SRPRA: variants seen among roughly 807,000 people sequenced by gnomAD.
SRPRA encodes the protein SRP receptor subunit alpha, also known as signal recognition particle receptor subunit alpha.
In SRPRA, 30 loss-of-function variants were observed where a neutral mutation model predicts 61.1. The observed-to-expected ratio is 0.49, with a 90% CI of 0.37 to 0.67. The LOEUF is 0.67. Among genes scored for constraint, SRPRA ranks in the 30% least tolerant of loss-of-function variants. The probability of loss-of-function intolerance (pLI) is 0.00; values close to 1 mark genes in which losing one functional copy is unlikely to be tolerated. For missense variants in SRPRA, 759 were observed against 828.4 expected, an observed-to-expected ratio of 0.92 and a Z score of 1.03; for synonymous variants, 324 against 299.7, an observed-to-expected ratio of 1.08 and a Z score of -0.84.
the SRPRA span, among the ~76,000 whole-genome samples, chr11:126,250,004 C>T: frequency 6.6e-6 from 1 of 151,916 alleles, no homozygotes; most frequent in African/African-American, 2.4e-5. This position sits in a 1 kb window ranked among gnomAD's most constrained non-coding sequence, Gnocchi z 5.1. Context: ...CACTTGCTAT[C>T]TGCTAAGCAT....
chr11:126,248,385 T>TA, the SRPRA span, among the ~76,000 whole-genome samples: 1 of 139,422 alleles, frequency 7.2e-6, no homozygotes, highest in Non-Finnish European at 1.5e-5. Context: ...TTTTTTTTTT[T>TA]TTGAGATGGA....
the SRPRA span, among the ~76,000 whole-genome samples, chr11:126,248,772 T>A: frequency 6.6e-6 from 1 of 152,184 alleles, no homozygotes; most frequent in African/African-American, 2.4e-5. Flanking sequence ...CTTAATCACG[T>A]CTTACTAGGT....
the SRPRA span, among the ~76,000 whole-genome samples, chr11:126,249,109 A>T: frequency 6.6e-6 from 1 of 152,200 alleles, no homozygotes; most frequent in Admixed American, 6.5e-5. Context: ...AAAGTGGCTG[A>T]TACCCATAAT....
At chr11:126,240,788 A>C in the SRPRA span, 41 of 1,599,424 alleles carry the variant, frequency 2.6e-5, no homozygotes, top group Admixed American at 5.3e-5. Flanking sequence ...TTTTGCTTTT[A>C]TAGGAAGCTG....
Position 126,266,840 on chromosome 11 carries a change from T to C in SRPRA, c.609A>G (p.Glu203=). The C allele has an allele frequency of 6.2e-7, 1 of 1,614,212 alleles. No individual in the cohort carries two copies. ...TGCGGATCAGCTCCTCTTTGGAAAG[T>C]TCTACTCCGTTCTCAGGACCCACTG... ...GLPVGPENGV[E]LSKEELIRRK... Residue 203 remains glutamate (E), a synonymous_variant, in exon 5 of 14, where the codon GAA becomes GAG. Coordinates refer to ENST00000332118, the MANE Select transcript of SRPRA (RefSeq NM_003139.4).
At chr11:126,255,409 C>T in the SRPRA span, among the ~76,000 whole-genome samples, 1 of 152,152 alleles carries the variant, frequency 6.6e-6, no homozygotes, top group Non-Finnish European at 1.5e-5. This position sits in a 1 kb window ranked among gnomAD's most constrained non-coding sequence, Gnocchi z 4.6. Context: ...TCTTTCCCAA[C>T]ATCTGCCATA....
At position 126,265,067 on chromosome 11, in the gene SRPRA, T is replaced by TCA; in HGVS notation, c.1415_1416dup (p.Ser473Ter). 6.2e-7 allele frequency: 1 copy of TCA among 1,614,090 alleles called. No homozygotes were observed. Among genetic ancestry groups the TCA allele is most frequent in the Non-Finnish European group, 8.5e-7 (1 of 1,180,030 alleles). ...TGCTTCTCTGGAGGGTGTAGGGCAC[T>TCA]CAAACGCCGGGTGTGTGTACGCAGC... On this transcript the variant is annotated frameshift_variant, in exon 11 of 14. Coordinates refer to ENST00000332118, the MANE Select transcript of SRPRA (RefSeq NM_003139.4). LOFTEE classifies it high-confidence loss of function. This position sits in a 1 kb window ranked among gnomAD's most constrained non-coding sequence, Gnocchi z 6.3.
At chr11:126,237,940 A>G in the SRPRA span, among the ~76,000 whole-genome samples, 1 of 150,496 alleles carries the variant, frequency 6.6e-6, no homozygotes, top group African/African-American at 2.4e-5. Context: ...TTCCCATACT[A>G]TCTCTTATTT....
Position 126,268,677 on chromosome 11 carries a change from G to A in SRPRA, c.117+11C>T, listed in dbSNP as rs1308740783. On this transcript the variant is annotated intron_variant, in intron 1 of 13. Transcript: ENST00000332118. ...GAAGAGCCTGGAGTTCTGATCCCAC[G>A]GGGACGGTACCTGCAGCAGCACGGA... 13 of 1,609,506 alleles carry A rather than the reference G, an allele frequency of 8.1e-6. No individual in the cohort carries two copies. The highest frequency in any genetic ancestry group is 1.1e-5 in the Non-Finnish European group (13 of 1,176,320).
At chr11:126,244,673 G>A in the SRPRA span, among the ~76,000 whole-genome samples, 2 of 152,040 alleles carry the variant, frequency 1.3e-5, no homozygotes, top group Non-Finnish European at 2.9e-5. The surrounding 1 kb of genome is among the most constrained non-coding windows in gnomAD (Gnocchi z 4.5). Context: ...GCATGATGGC[G>A]GGTGCCTATA....
At chr11:126,262,273 G>A (rs1488304044), downstream of SRPRA, 2 of 846,212 alleles carry the variant, frequency 2.4e-6, no homozygotes, top group Admixed American at 4.4e-5. Context: ...GGGTAGAAGA[G>A]GGGGGAATGT....
chr11:126,261,836 T>C (rs953798805), downstream of SRPRA, among the ~76,000 whole-genome samples: 1 of 152,010 alleles, frequency 6.6e-6, no homozygotes, highest in Non-Finnish European at 1.5e-5. Flanking sequence ...AAAAAAAATT[T>C]TTTTAAATTG....
chr11:126,265,449 G>A lies in SRPRA; in HGVS notation c.1139-9C>T. The A allele has an allele frequency of 3.7e-6, 6 of 1,606,040 alleles. No individual in the cohort carries two copies. The highest frequency in any genetic ancestry group is 5.1e-6 in the Non-Finnish European group (6 of 1,175,556). On this transcript the variant is annotated splice_polypyrimidine_tract_variant and intron_variant, in intron 9 of 13. Transcript: ENST00000332118. This position sits in a 1 kb window ranked among gnomAD's most constrained non-coding sequence, Gnocchi z 6.3. ...TACTGTGGAAGTCACCGCTGAAAGG[G>A]GAGGTGGAGGAGGTTGCAGCTGTGA...
Position 126,263,977 on chromosome 11 carries a change from G to C in SRPRA, c.1856C>G (p.Thr619Ser). 12 of 1,614,226 alleles carry C rather than the reference G, an allele frequency of 7.4e-6. No individual in the cohort carries two copies. Among genetic ancestry groups the C allele is most frequent in the Non-Finnish European group, 1.0e-5 (12 of 1,180,042 alleles). The change falls in exon 14 of 14, where the codon ACC (threonine) becomes AGC (serine). Residue 619 changes from threonine (T) to serine (S), a missense_variant. Transcript: ENST00000332118. ...ATTGAGGCTGCGTAGGTCACAGTAG[G>C]TCTGGCCGGTGCCCACAAAGACGAT... is the stretch of plus-strand genomic sequence containing the variant. ...KPIVFVGTGQ[T>S]YCDLRSLNAK... is the part of the protein sequence containing the mutation.
rs757008368 is a variant in SRPRA at position 126,268,017 on chromosome 11, C to G, written c.187G>C (p.Glu63Gln). 1 of 1,614,142 alleles carries G rather than the reference C, an allele frequency of 6.2e-7. No homozygotes were observed. The highest frequency in any genetic ancestry group is 8.5e-7 in the Non-Finnish European group (1 of 1,180,006). Residue 63 changes from glutamate to glutamine, a missense_variant, in exon 2 of 14, where the codon GAG (glutamate) becomes CAG (glutamine). Physicochemically the swap from Glu to Gln is conservative, Grantham distance 29. Coordinates refer to ENST00000332118, the MANE Select transcript of SRPRA (RefSeq NM_003139.4). ...TLKYKLDNQF[E>Q]LVFVVGFQKI... The stretch of plus-strand genomic sequence containing the variant: ...ACCCCACTTACCACAAACACCAGCT[C>G]AAACTGGTTGTCCAGTTTATACTTG...
In SRPRA at chr11:126,267,368, C is replaced by T; in HGVS notation, c.366-33G>A. 6 of 1,608,490 alleles carry T rather than the reference C, an allele frequency of 3.7e-6. No homozygotes were observed. In the South Asian group the frequency reaches 6.7e-5, roughly 18 times the overall value. On this transcript the variant is annotated intron_variant, in intron 3 of 13. Transcript: ENST00000332118. The surrounding 1 kb of genome is among the most constrained non-coding windows in gnomAD (Gnocchi z 4.2). ...AAAAGGAGAATGGTTTATCTTTCTA[C>T]CCCATGCAGAAGGAAAAATAACGGT...
At position 126,264,626 on chromosome 11, in the gene SRPRA, T is replaced by C. The variant is rs1366349512; in HGVS notation, c.1526-87A>G. ...TCCTCTCAAAAAGTCCTAGTTTGAC[T>C]ACCTGTTCACTGTCTTGGGCTCTGG... On this transcript the variant is annotated intron_variant, in intron 11 of 13. Coordinates refer to ENST00000332118, the MANE Select transcript of SRPRA (RefSeq NM_003139.4). This position sits in a 1 kb window ranked among gnomAD's most constrained non-coding sequence, Gnocchi z 5.0. 6.7e-7 allele frequency: 1 copy of C among 1,485,022 alleles called. No individual in the cohort carries two copies. The highest frequency in any genetic ancestry group is 9.1e-7 in the Non-Finnish European group (1 of 1,093,182). 92.0% of individuals were successfully genotyped at this position (1,485,022 alleles called of 1,614,324 possible). A position where few individuals can be genotyped will look rare whatever the true frequency, so the allele number is the denominator to read the frequency against.
At chr11:126,262,352 C>G (rs369202752), downstream of SRPRA, 9 of 571,876 alleles carry the variant, frequency 1.6e-5, no homozygotes, top group Non-Finnish European at 2.2e-5. Flanking sequence ...AGAATAAAAG[C>G]GACAGCAGGA....
the SRPRA span, among the ~76,000 whole-genome samples, chr11:126,252,864 G>A: frequency 3.9e-5 from 6 of 151,992 alleles, no homozygotes; most frequent in African/African-American, 9.7e-5. The surrounding 1 kb of genome is among the most constrained non-coding windows in gnomAD (Gnocchi z 4.7). Flanking sequence ...GTGAAACCCC[G>A]TCTTTACTAA....
Sources: allele counts gnomAD v4.1 joint callset (sites outside exome capture counted in the v4.1 genomes callset), GRCh38; gene constraint gnomAD v4.1.1; non-coding constraint Gnocchi (gnomAD v3.1); transcripts MANE v1.5; gene names NCBI Gene and HGNC (gene_info 2026-07-23, HGNC 2026-07-21).